The following TXNRD2 variants were observed in gnomAD, a reference collection of about 807,000 sequenced individuals.
TXNRD2 encodes the protein thioredoxin reductase 2, mitochondrial.
In TXNRD2, 67 loss-of-function variants were observed where a neutral mutation model predicts 70.8. The ratio of observed to expected loss-of-function variants is 0.95; its 90% CI spans 0.78 to 1.16. The LOEUF (loss-of-function observed/expected upper bound fraction) is 1.16. TXNRD2 is among the 50% of genes most tolerant of loss of function. The pLI is 0.00. For synonymous variants in TXNRD2, 301 were observed against 295.8 expected, an observed-to-expected ratio of 1.02 and a Z score of -0.18; for missense variants, 644 against 719.9, an observed-to-expected ratio of 0.89 and a Z score of 1.21.
chr22:19,915,758 T>C lies in TXNRD2; in HGVS notation c.528+7A>G. ...CAAGGAGCCACGCGAGTAAGTCAGA[T>C]GCTCACCTCTTTCCCACCTTTGGCA... On this transcript the variant is annotated splice_region_variant and intron_variant, in intron 6 of 17. Coordinates refer to ENST00000400521, the MANE Select transcript of TXNRD2 (RefSeq NM_006440.5). 1 of 1,614,166 alleles carries C rather than the reference T, an allele frequency of 6.2e-7. No individual in the cohort carries two copies. The highest frequency in any genetic ancestry group is 1.1e-5 in the South Asian group (1 of 91,082).
intron 11 of TXNRD2, among the ~76,000 whole-genome samples, chr22:19,886,984 T>C (rs529856325): frequency 6.6e-6 from 1 of 152,328 alleles, no homozygotes; most frequent in South Asian, 2.1e-4. Flanking sequence ...AGGGCAGTCC[T>C]TAGACTCTGT....
Position 19,933,591 on chromosome 22 carries a change from C to T in TXNRD2, c.104-2493G>A, listed in dbSNP as rs79987203. The T allele has an allele frequency of 2.4e-3, 2,522 of 1,056,888 alleles. 25 individuals are homozygous for T. In the African/African-American group the frequency reaches 0.035, roughly 15 times the overall value. 65.5% of individuals were successfully genotyped at this position (1,056,888 alleles called of 1,614,324 possible). ...TTATCTTGGGCAGCTTGCTCGCCCC[C>T]TGTGCACACCCAGGAGCCCTCTCGG... On this transcript the variant is annotated intron_variant, in intron 1 of 17. Coordinates refer to ENST00000400521, the MANE Select transcript of TXNRD2 (RefSeq NM_006440.5).
chr22:19,897,187 T>C, intron 10 of TXNRD2, among the ~76,000 whole-genome samples: 1 of 151,806 alleles, frequency 6.6e-6, no homozygotes, highest in East Asian at 1.9e-4. Context: ...GCCACACGGG[T>C]GGAGGGACAC....
At chr22:19,886,498 G>C (rs553142741) in intron 11 of TXNRD2, among the ~76,000 whole-genome samples, 1 of 152,252 alleles carries the variant, frequency 6.6e-6, no homozygotes, top group African/African-American at 2.4e-5. Flanking sequence ...CGAATGCTGT[G>C]AGCAGCAGGA....
chr22:19,885,474 CTGT>C (rs1938985453), intron 11 of TXNRD2, among the ~76,000 whole-genome samples: 1 of 152,110 alleles, frequency 6.6e-6, no homozygotes, highest in Non-Finnish European at 1.5e-5. Context: ...GCTCCAGCCT[CTGT>C]GCTCTGCTCA....
chr22:19,907,491 T>C lies in TXNRD2; in HGVS notation c.662+3886A>G, dbSNP rs72490647. 9.8e-3 allele frequency among the ~76,000 whole-genome samples: 25 copies of C among 2,554 alleles called. 1 individual carries two copies. Among genetic ancestry groups the C allele is most frequent in the Non-Finnish European group, 9.0e-3 (14 of 1,552 alleles). 1.7% of individuals were successfully genotyped at this position (2,554 alleles called of 152,430 possible). On this transcript the variant is annotated intron_variant, in intron 8 of 17. Coordinates refer to ENST00000400521, the MANE Select transcript of TXNRD2 (RefSeq NM_006440.5). Reference sequence around the variant, plus strand: ...GTGACCGCTCTCAGGAGAGTGTGGGTGCACCGTGGGTAGCAGTGACCGCTC... The same window carrying C: ...GTGACCGCTCTCAGGAGAGTGTGGGCGCACCGTGGGTAGCAGTGACCGCTC...
intron 8 of TXNRD2, among the ~76,000 whole-genome samples, chr22:19,899,818 T>C (rs539758374): frequency 6.6e-6 from 1 of 152,162 alleles, no homozygotes; most frequent in Non-Finnish European, 1.5e-5. Context: ...GGTACATTCA[T>C]TCATATATAC....
intron 11 of TXNRD2, among the ~76,000 whole-genome samples, chr22:19,885,750 C>A (rs1456237782): frequency 6.6e-6 from 1 of 152,246 alleles, no homozygotes; most frequent in Non-Finnish European, 1.5e-5. Context: ...CCCACACTCT[C>A]CTCTGCACGC....
intron 5 of TXNRD2, 80 bp downstream of exon 5, chr22:19,918,063 G>C (rs1383468467): frequency 1.6e-6 from 2 of 1,233,612 alleles, no homozygotes; most frequent in African/African-American, 3.0e-5. Context: ...GCTCTGCACA[G>C]TAAGTAAGTG....
At chr22:19,897,913 C>A in intron 10 of TXNRD2, 126 bp downstream of exon 10, 1 of 758,130 alleles carries the variant, frequency 1.3e-6, no homozygotes, top group South Asian at 1.7e-5. Context: ...TCATCCAATT[C>A]AAGGGTTATC....
intron 5 of TXNRD2, 109 bp downstream of exon 5, chr22:19,918,034 C>T: frequency 1.0e-6 from 1 of 960,346 alleles, no homozygotes; most frequent in Non-Finnish European, 1.7e-6. Flanking sequence ...ACATGAACCC[C>T]CAGAGCCTGC....
At chr22:19,904,653 T>C (rs1351705031) in intron 8 of TXNRD2, among the ~76,000 whole-genome samples, 1 of 151,982 alleles carries the variant, frequency 6.6e-6, no homozygotes, top group African/African-American at 2.4e-5. Context: ...CCTGTGCCTG[T>C]AGTAGAGAGG....
chr22:19,895,487 C>T lies in TXNRD2; in HGVS notation c.869G>A (p.Gly290Asp). The T allele has an allele frequency of 6.2e-7, 1 of 1,613,968 alleles. No individual in the cohort carries two copies. Among genetic ancestry groups the T allele is most frequent in the Non-Finnish European group, 8.5e-7 (1 of 1,180,020 alleles). ...APSRVRRLPDGQLQVTWEDST... is the reference protein window; with the variant it reads ...APSRVRRLPDDQLQVTWEDST... Reference sequence around the variant, plus strand: ...GTCCTCCCAGGTGACCTGCAGCTGGCCATCAGGGAGCCTCCTGACCCGCGA... The same window carrying T: ...GTCCTCCCAGGTGACCTGCAGCTGGTCATCAGGGAGCCTCCTGACCCGCGA... The change falls in exon 11 of 18, where the codon GGC (glycine) becomes GAC (aspartate). Residue 290 changes from glycine (G) to aspartate (D), a missense_variant. Gly to Asp is a moderately conservative substitution (Grantham distance 94). This residue lies in a region of TXNRD2 where 566 missense variants were observed against 645.0 expected (regional missense o/e 0.88). Transcript: ENST00000400521.
At chr22:19,913,566 GT>G (rs754544066) in intron 7 of TXNRD2, among the ~76,000 whole-genome samples, 1 of 152,220 alleles carries the variant, frequency 6.6e-6, no homozygotes, top group Non-Finnish European at 1.5e-5. Context: ...GAGGGGATAG[GT>G]AACAGTTAGA....
intron 2 of TXNRD2, 132 bp downstream of exon 2, chr22:19,930,898 C>G (rs1941332815): frequency 1.2e-6 from 1 of 805,244 alleles, no homozygotes; most frequent in African/African-American, 1.7e-5. Flanking sequence ...CAAGCCACAA[C>G]ACAGAGGCCA....
At chr22:19,918,023 G>C (rs899131140) in intron 5 of TXNRD2, 120 bp downstream of exon 5, 4 of 853,462 alleles carry the variant, frequency 4.7e-6, no homozygotes, top group Non-Finnish European at 7.9e-6. Context: ...CCATGAGCAG[G>C]ACATGAACCC....
intron 5 of TXNRD2, 126 bp downstream of exon 5, chr22:19,918,017 G>C (rs571782857): frequency 1.2e-6 from 1 of 807,826 alleles, no homozygotes; most frequent in African/African-American, 1.7e-5. Context: ...CCCCACCCAT[G>C]AGCAGGACAT....
At chr22:19,902,847 T>C in intron 8 of TXNRD2, 1 of 447,252 alleles carries the variant, frequency 2.2e-6, no homozygotes, top group South Asian at 1.6e-5. Flanking sequence ...AATTAAATTT[T>C]CTCCCAAATG....
chr22:19,899,981 G>C (rs908872128), intron 8 of TXNRD2, among the ~76,000 whole-genome samples: 1 of 152,200 alleles, frequency 6.6e-6, no homozygotes, highest in East Asian at 1.9e-4. Context: ...ATGTAAGGAC[G>C]GATAAGCCCA....
Sources: gnomAD v4.1 joint callset for allele counts (sites outside exome capture counted in the v4.1 genomes callset) on GRCh38, gnomAD v4.1.1 for gene constraint, gnomAD v4.1.1 regional missense constraint, MANE v1.5 for transcripts, NCBI Gene and HGNC (gene_info 2026-07-23, HGNC 2026-07-21) for gene names.